Variants in CSMD1 observed in about 807,000 individuals in gnomAD.
The protein encoded by CSMD1 is CUB and sushi domain-containing protein 1.
A neutral mutation model predicts 417.5 loss-of-function variants in CSMD1; 213 were observed. The observed-to-expected ratio is 0.51, with a 90% CI of 0.46 to 0.57. The LOEUF is 0.57. Ranked by LOEUF, CSMD1 falls within the 20% of genes least tolerant of loss-of-function variation. The pLI, the probability that CSMD1 is intolerant of heterozygous loss-of-function variation, is 0.00. For missense variants in CSMD1, 6,923 were observed against 4,529.7 expected (o/e 1.53, Z -15.17); for synonymous variants, 2,862 against 1,736.8 (o/e 1.65, Z -16.11).
At chr8:3,531,074 T>C (rs957849523) in intron 10 of CSMD1, among the ~76,000 whole-genome samples, 1 of 151,896 alleles carries the variant, frequency 6.6e-6, no homozygotes, top group African/African-American at 2.4e-5. Flanking sequence ...TTGGCCAGGC[T>C]GATCTCAAAC....
At chr8:4,197,700 G>A (rs1799420006) in intron 3 of CSMD1, among the ~76,000 whole-genome samples, 1 of 152,116 alleles carries the variant, frequency 6.6e-6, no homozygotes, top group African/African-American at 2.4e-5. Flanking sequence ...CCAACATAGT[G>A]AAGCTCTGTC....
intron 3 of CSMD1, among the ~76,000 whole-genome samples, chr8:4,046,692 A>G (rs1798164931): frequency 6.6e-6 from 1 of 152,208 alleles, no homozygotes. Context: ...TTTGATTTTA[A>G]AAGGATGTAG....
At chr8:4,391,831 G>C (rs1486787773) in intron 3 of CSMD1, among the ~76,000 whole-genome samples, 1 of 152,126 alleles carries the variant, frequency 6.6e-6, no homozygotes, top group Admixed American at 6.5e-5. Context: ...TGCTTGTTCT[G>C]GCAAACCTGA....
At chr8:4,147,062 G>T (rs1227926435) in intron 3 of CSMD1, among the ~76,000 whole-genome samples, 1 of 151,716 alleles carries the variant, frequency 6.6e-6, no homozygotes. Flanking sequence ...TCACCCTCCT[G>T]CCCTAACTCC....
intron 1 of CSMD1, among the ~76,000 whole-genome samples, chr8:4,740,033 A>C (rs898217179): frequency 1.3e-5 from 2 of 152,030 alleles, no homozygotes; most frequent in Non-Finnish European, 2.9e-5. Context: ...ATCCTGGCAG[A>C]GGAATGCCAC....
intron 7 of CSMD1, among the ~76,000 whole-genome samples, chr8:3,705,046 G>C (rs932628998): frequency 4.6e-5 from 7 of 152,186 alleles, no homozygotes; most frequent in African/African-American, 1.2e-4. Flanking sequence ...CACCATGACA[G>C]GGTCCCACCA....
chr8:4,597,087 A>T (rs1311977465), intron 2 of CSMD1, among the ~76,000 whole-genome samples: 6 of 144,298 alleles, frequency 4.2e-5, no homozygotes, highest in Non-Finnish European at 7.7e-5. Flanking sequence ...CAGCAGCATG[A>T]AAACAGACTA....
chr8:3,979,855 G>C (rs534425212), intron 5 of CSMD1, among the ~76,000 whole-genome samples: 1 of 152,252 alleles, frequency 6.6e-6, no homozygotes, highest in South Asian at 2.1e-4. Context: ...AATTTTCAGA[G>C]CTATTTATAC....
chr8:4,093,977 G>GATAC (rs1394747549), intron 3 of CSMD1, among the ~76,000 whole-genome samples: 1 of 143,162 alleles, frequency 7.0e-6, no homozygotes, highest in Non-Finnish European at 1.6e-5. Flanking sequence ...TAGATAGATA[G>GATAC]ATAGATAGAT....
intron 41 of CSMD1, among the ~76,000 whole-genome samples, chr8:3,142,239 GT>G (rs1484498190): frequency 6.6e-6 from 1 of 152,178 alleles, no homozygotes; most frequent in African/African-American, 2.4e-5. Flanking sequence ...AATCGGCTCT[GT>G]CTGGGCAGCA....
At chr8:4,474,566 C>A (rs897855260) in intron 2 of CSMD1, among the ~76,000 whole-genome samples, 1 of 152,166 alleles carries the variant, frequency 6.6e-6, no homozygotes, top group African/African-American at 2.4e-5. Context: ...AGAGTGAGAG[C>A]TCTAAAGAGA....
intron 3 of CSMD1, among the ~76,000 whole-genome samples, chr8:4,350,950 G>T (rs147268046): frequency 2.0e-5 from 3 of 152,128 alleles, no homozygotes; most frequent in Non-Finnish European, 4.4e-5. Flanking sequence ...CTTGCTTTCT[G>T]CAAGTCATCG....
intron 1 of CSMD1, among the ~76,000 whole-genome samples, chr8:4,834,903 T>C (rs192246172): frequency 1.6e-5 from 2 of 128,682 alleles, no homozygotes; most frequent in Non-Finnish European, 3.1e-5. Flanking sequence ...CTTGCAGTGA[T>C]CTGAGATGGC....
intron 51 of CSMD1, among the ~76,000 whole-genome samples, chr8:3,026,688 A>G (rs540555467): frequency 6.6e-6 from 1 of 152,316 alleles, no homozygotes; most frequent in East Asian, 1.9e-4. Context: ...TCCAGCCAAA[A>G]TGTGCCAGGT....
chr8:4,038,200 T>C lies in CSMD1; in HGVS notation c.416-6101A>G, dbSNP rs567593868. Among the ~76,000 whole-genome samples, 137 of 152,280 alleles carry C rather than the reference T, an allele frequency of 9.0e-4. 2 individuals are homozygous for C. Among genetic ancestry groups the C allele is most frequent in the African/African-American group, 3.2e-3 (135 of 41,576 alleles). ...TGGGGATTTTTATCTTCAACAAATT[T>C]TCTTTTTAAAAAGTTTTTGTAAAAA... On this transcript the variant is annotated intron_variant, in intron 3 of 69. Transcript: ENST00000635120.
At chr8:4,915,719 G>A (rs570813138) in intron 1 of CSMD1, among the ~76,000 whole-genome samples, 2 of 152,324 alleles carry the variant, frequency 1.3e-5, no homozygotes, top group African/African-American at 2.4e-5. Context: ...TAAACATTAT[G>A]TCCGGGTTTG....
At chr8:3,992,180 T>C (rs978840527) in intron 5 of CSMD1, among the ~76,000 whole-genome samples, 1 of 150,934 alleles carries the variant, frequency 6.6e-6, no homozygotes, top group Non-Finnish European at 1.5e-5. Flanking sequence ...TAGATATATA[T>C]AAATATATTT....
At chr8:3,778,879 T>G (rs1365149247) in intron 5 of CSMD1, among the ~76,000 whole-genome samples, 1 of 152,150 alleles carries the variant, frequency 6.6e-6, no homozygotes, top group East Asian at 1.9e-4. Context: ...CTTGCAGGCA[T>G]TTGGACAAAA....
intron 3 of CSMD1, among the ~76,000 whole-genome samples, chr8:4,138,055 T>A (rs1200693933): frequency 1.3e-4 from 2 of 15,944 alleles, no homozygotes; most frequent in African/African-American, 2.2e-4. Context: ...TTTTTTTTTT[T>A]TTTTTTTTTT....
Sources: allele counts gnomAD v4.1 joint callset (sites outside exome capture counted in the v4.1 genomes callset), GRCh38; gene constraint gnomAD v4.1.1; transcripts MANE v1.5; gene names NCBI Gene and HGNC (gene_info 2026-07-23, HGNC 2026-07-21).